The following EPHX4 variants were observed in gnomAD, a reference collection of about 807,000 sequenced individuals.
EPHX4 encodes epoxide hydrolase 4, also known as abhydrolase domain containing 7.
In EPHX4, 31 loss-of-function variants were observed where a neutral mutation model predicts 44.9. That is an observed-to-expected ratio of 0.69 (90% CI 0.52 to 0.93). The LOEUF is 0.93. EPHX4 is among the 40% of genes least tolerant of loss of function. EPHX4 has a pLI of 0.00. For missense variants in EPHX4, 373 were observed against 438.1 expected (o/e 0.85, Z 1.33); for synonymous variants, 151 against 159.7 (o/e 0.95, Z 0.41).
In EPHX4 at chr1:92,045,391, G is replaced by T. The variant is rs1026425444; in HGVS notation, c.476-141G>T. The T allele has an allele frequency of 7.8e-6, 8 of 1,027,016 alleles. No individual in the cohort carries two copies. In the Admixed American group the frequency reaches 1.3e-4, roughly 17 times the overall value. The allele number at this position is 1,027,016 out of a possible 1,614,324, so 63.6% of individuals were successfully genotyped here. On this transcript the variant is annotated intron_variant, in intron 3 of 6. Coordinates refer to ENST00000370383, the MANE Select transcript of EPHX4 (RefSeq NM_173567.5). The stretch of plus-strand genomic sequence containing the variant: ...TGTACAGACAAGTTTTGGAACCACT[G>T]AATTCAATATCTGCACAAAGTGCAT...
chr1:92,041,170 AG>A (rs1238665823), intron 2 of EPHX4, among the ~76,000 whole-genome samples: 3 of 152,116 alleles, frequency 2.0e-5, no homozygotes, highest in Non-Finnish European at 4.4e-5. Context: ...CTGGCTCAGC[AG>A]TGGCCTCCAG....
intron 4 of EPHX4, 52 bp from the exon 5 acceptor site, chr1:92,050,265 G>T: frequency 8.9e-6 from 10 of 1,129,926 alleles, no homozygotes; most frequent in South Asian, 1.4e-5. Flanking sequence ...TCTTCTAACA[G>T]TAAGTAATTT....
chr1:92,043,788 T>C (rs2101869940), intron 3 of EPHX4: 1 of 152,358 alleles, frequency 6.6e-6, no homozygotes, highest in East Asian at 1.9e-4. Flanking sequence ...CTCTGTGAGT[T>C]GGGCTGGAGC....
intron 3 of EPHX4, among the ~76,000 whole-genome samples, chr1:92,044,115 A>C (rs1688550610): frequency 1.3e-5 from 2 of 152,200 alleles, no homozygotes; most frequent in African/African-American, 4.8e-5. Flanking sequence ...TCAGTATGTT[A>C]ATGGAAGCAA....
intron 2 of EPHX4, among the ~76,000 whole-genome samples, chr1:92,036,302 G>A (rs2101866656): frequency 6.6e-6 from 1 of 152,246 alleles, no homozygotes; most frequent in East Asian, 1.9e-4. Flanking sequence ...GATGCTCTCT[G>A]TCGTATTCTA....
At position 92,057,303 on chromosome 1, in the gene EPHX4, A is replaced by C. The variant is rs543195951; in HGVS notation, c.857+4645A>C. Reference sequence around the variant, plus strand: ...TAAACTATTGGCAAGAATGGTTAAGAAAAAACAGAAGGCACAAATAAACAA... The same window carrying C: ...TAAACTATTGGCAAGAATGGTTAAGCAAAAACAGAAGGCACAAATAAACAA... On this transcript the variant is annotated intron_variant, in intron 6 of 6. Coordinates refer to ENST00000370383, the MANE Select transcript of EPHX4 (RefSeq NM_173567.5). 1.2e-4 allele frequency among the ~76,000 whole-genome samples: 19 copies of C among 152,272 alleles called. No individual in the cohort carries two copies. In the South Asian group the frequency reaches 3.5e-3, roughly 28 times the overall value.
chr1:92,045,678 T>C lies in EPHX4; in HGVS notation c.604+18T>C. 1.2e-6 allele frequency: 2 copies of C among 1,613,412 alleles called. No homozygotes were observed. The highest frequency in any genetic ancestry group is 1.7e-6 in the Non-Finnish European group (2 of 1,179,736). On this transcript the variant is annotated intron_variant, in intron 4 of 6. Transcript: ENST00000370383. The stretch of plus-strand genomic sequence containing the variant: ...ATTTACAGGTGAGTTCAAGTTTTTA[T>C]CAAAACAGTTCTGCTAATGTGACAA...
intron 6 of EPHX4, among the ~76,000 whole-genome samples, chr1:92,055,486 A>G (rs1403435624): frequency 2.0e-5 from 3 of 152,136 alleles, no homozygotes; most frequent in African/African-American, 7.2e-5. Context: ...ACTTACAAAT[A>G]TATATATATC....
At chr1:92,043,094 G>T (rs1688533294) in intron 3 of EPHX4, 114 bp downstream of exon 3, 1 of 855,564 alleles carries the variant, frequency 1.2e-6, no homozygotes, top group East Asian at 2.7e-5. Context: ...AAATTATCTG[G>T]ATCCTGTCAC....
chr1:92,052,251 G>A (rs1272685083), intron 5 of EPHX4, among the ~76,000 whole-genome samples: 5 of 152,140 alleles, frequency 3.3e-5, no homozygotes, highest in Admixed American at 1.3e-4. Flanking sequence ...ATATGAATAG[G>A]CACCAAGAAG....
chr1:92,058,437 G>A (rs376578723), intron 6 of EPHX4, among the ~76,000 whole-genome samples: 15 of 142,782 alleles, frequency 1.1e-4, no homozygotes, highest in African/African-American at 2.4e-4. Context: ...GCGAAACCCC[G>A]TCTCAGAAAA....
At position 92,050,489 on chromosome 1, in the gene EPHX4, G is replaced by A. The variant is rs143152717; in HGVS notation, c.708+69G>A. The A allele has an allele frequency of 2.2e-4, 187 of 849,302 alleles. No homozygotes were observed. The African/African-American group carries it at 2.6e-3, about 12-fold the overall frequency. 52.6% of individuals were successfully genotyped at this position (849,302 alleles called of 1,614,324 possible). A position where few individuals can be genotyped will look rare whatever the true frequency, so the allele number is the denominator to read the frequency against. The stretch of plus-strand genomic sequence containing the variant: ...TAATGAAAAATATTTTAAAGTCCAC[G>A]TTTAAGAAGAATAATGAAAAATGAA... On this transcript the variant is annotated intron_variant, in intron 5 of 6. Transcript: ENST00000370383.
In EPHX4 at chr1:92,052,669, T is replaced by G; in HGVS notation, c.857+11T>G. The G allele has an allele frequency of 6.3e-7, 1 of 1,576,902 alleles. No individual in the cohort carries two copies. The highest frequency in any genetic ancestry group is 2.3e-5 in the East Asian group (1 of 44,068). ...CCGAAATATCTTCAGGTAAGTATAA[T>G]TTCTTTTTAGTTAAATAAAAATATT... On this transcript the variant is annotated intron_variant, in intron 6 of 6. Transcript: ENST00000370383.
rs765901584 is a variant in EPHX4 at position 92,030,262 on chromosome 1, G to A, written c.183G>A (p.Ala61=). ...GGCCCGCCCGGGAGCACCCTCCCGCGTGCCTGAGCGACCCCTCCTTGGGCA... is the reference window on the plus strand; with the variant it reads ...GGCCCGCCCGGGAGCACCCTCCCGCATGCCTGAGCGACCCCTCCTTGGGCA... The part of the protein sequence containing the change: ...FRRPAREHPP[A]CLSDPSLGTH... Residue 61 remains alanine, a synonymous_variant, in exon 1 of 7, where the codon GCG becomes GCA. Transcript: ENST00000370383. The A allele has an allele frequency of 5.6e-6, 9 of 1,601,370 alleles. No individual in the cohort carries two copies. The African/African-American group carries it at 9.4e-5, about 17-fold the overall frequency.
At chr1:92,053,311 G>A (rs996419271) in intron 6 of EPHX4, among the ~76,000 whole-genome samples, 1 of 152,166 alleles carries the variant, frequency 6.6e-6, no homozygotes, top group Non-Finnish European at 1.5e-5. Context: ...GTAGCTTCAA[G>A]CAACAGAATT....
intron 1 of EPHX4, among the ~76,000 whole-genome samples, chr1:92,031,803 G>GT (rs1018857147): frequency 3.9e-5 from 6 of 152,046 alleles, no homozygotes; most frequent in Admixed American, 3.3e-4. Context: ...TCATTCCCAT[G>GT]TTTTTTTAAT....
chr1:92,036,359 C>T (rs537090931), intron 2 of EPHX4, among the ~76,000 whole-genome samples: 2 of 152,292 alleles, frequency 1.3e-5, no homozygotes, highest in East Asian at 1.9e-4. Flanking sequence ...TTATTTACTC[C>T]TCATGAGAGC....
intron 2 of EPHX4, among the ~76,000 whole-genome samples, chr1:92,037,761 G>A (rs879382836): frequency 1.1e-4 from 16 of 152,208 alleles, no homozygotes; most frequent in Non-Finnish European, 2.4e-4. Flanking sequence ...CGGCGAAAGA[G>A]ATTGGTTATT....
chr1:92,039,647 A>AT (rs1259470423), intron 2 of EPHX4, among the ~76,000 whole-genome samples: 21 of 151,422 alleles, frequency 1.4e-4, no homozygotes, highest in African/African-American at 3.9e-4. Context: ...CGTTTATTTA[A>AT]TTAATTTATT....
Sources: gnomAD v4.1 joint callset for allele counts (sites outside exome capture counted in the v4.1 genomes callset) on GRCh38, gnomAD v4.1.1 for gene constraint, MANE v1.5 for transcripts, NCBI Gene and HGNC (gene_info 2026-07-23, HGNC 2026-07-21) for gene names.